The following ANO1 variants were observed in gnomAD, a reference collection of about 807,000 sequenced individuals.
ANO1 encodes anoctamin-1.
A neutral mutation model predicts 124.0 loss-of-function variants in ANO1; 59 were observed. The ratio of observed to expected loss-of-function variants is 0.48; its 90% CI spans 0.39 to 0.59. The LOEUF is 0.59. Among genes scored for constraint, ANO1 ranks in the 20% least tolerant of loss-of-function variants. The pLI, the probability that ANO1 is intolerant of heterozygous loss-of-function variation, is 0.00. For synonymous variants in ANO1, 529 were observed against 532.0 expected (o/e 0.99, Z 0.08); for missense variants, 1,059 against 1,328.0 (o/e 0.80, Z 3.15).
At chr11:70,024,754 C>T (rs1250683690) in intron 1 of ANO1, among the ~76,000 whole-genome samples, 1 of 152,234 alleles carries the variant, frequency 6.6e-6, no homozygotes, top group Non-Finnish European at 1.5e-5. Flanking sequence ...AGGCACAAAG[C>T]CCCGCTGACA....
chr11:70,016,170 G>A (rs1591036124), intron 1 of ANO1, among the ~76,000 whole-genome samples: 1 of 152,118 alleles, frequency 6.6e-6, no homozygotes. Context: ...TGGGACTACA[G>A]GTGCACGCCA....
In ANO1 at chr11:70,026,215, G is replaced by A. The variant is rs551282488; in HGVS notation, c.58+40049G>A. 1.4e-4 allele frequency among the ~76,000 whole-genome samples: 21 copies of A among 151,390 alleles called. No individual in the cohort carries two copies. The East Asian group carries it at 4.1e-3, about 30-fold the overall frequency. The stretch of plus-strand genomic sequence containing the variant: ...TGATGGTGGTGGTGATGGTGCTGAT[G>A]GTGATGATGACAGTAATGATGGTGG... On this transcript the variant is annotated intron_variant, in intron 1 of 27. Transcript: ENST00000531349.
intron 22 of ANO1, among the ~76,000 whole-genome samples, chr11:70,175,594 G>A (rs763402604): frequency 3.3e-5 from 5 of 152,206 alleles, no homozygotes; most frequent in Non-Finnish European, 5.9e-5. Context: ...CCCTGGTTTC[G>A]ACTTCCTGTT....
intron 11 of ANO1, among the ~76,000 whole-genome samples, chr11:70,138,933 A>G (rs375859220): frequency 2.7e-5 from 4 of 149,844 alleles, no homozygotes; most frequent in Non-Finnish European, 5.9e-5. Context: ...CCCTCCTCCC[A>G]CCCTCCACCC....
intron 1 of ANO1, among the ~76,000 whole-genome samples, chr11:70,047,043 G>A (rs1162847509): frequency 7.1e-6 from 1 of 141,190 alleles, no homozygotes; most frequent in Non-Finnish European, 1.5e-5. Context: ...TCACGCCATT[G>A]TATTCCAGCC....
chr11:70,112,761 G>GT (rs2045837317), intron 7 of ANO1, among the ~76,000 whole-genome samples: 2 of 152,156 alleles, frequency 1.3e-5, no homozygotes, highest in South Asian at 4.1e-4. Flanking sequence ...GTTTCACCAT[G>GT]TTGGCCAGGC....
chr11:70,154,010 C>A (rs565040793), intron 14 of ANO1, among the ~76,000 whole-genome samples: 1 of 152,134 alleles, frequency 6.6e-6, no homozygotes, highest in South Asian at 2.1e-4. Flanking sequence ...AAGAAATCCA[C>A]CCGCCTTGGC....
At chr11:70,100,204 G>C (rs1194237652) in intron 2 of ANO1, among the ~76,000 whole-genome samples, 1 of 152,186 alleles carries the variant, frequency 6.6e-6, no homozygotes, top group Non-Finnish European at 1.5e-5. Flanking sequence ...ACAAAGCCCT[G>C]CAGGACCGCA....
At chr11:70,043,699 C>T (rs1444112622) in intron 1 of ANO1, among the ~76,000 whole-genome samples, 1 of 152,000 alleles carries the variant, frequency 6.6e-6, no homozygotes, top group Non-Finnish European at 1.5e-5. Flanking sequence ...AGAACGCCAA[C>T]CTAGAATTCT....
chr11:70,088,000 C>A lies in ANO1; in HGVS notation c.357C>A (p.Tyr119Ter), dbSNP rs1466847046. Reference protein sequence around the residue: ...DAGSGEPPMDYHEDDKRFRRE... With the variant: ...DAGSGEPPMD ...GCTCGGGGGAGCCCCCGATGGACTA[C>A]CACGAGGATGACAAGCGCTTCCGCA... The change falls in exon 2 of 26, where the codon TAC becomes TAA. Residue 119 changes from tyrosine to a stop codon, truncating the protein, a stop_gained. Coordinates refer to ENST00000355303, the MANE Select transcript of ANO1 (RefSeq NM_018043.7). LOFTEE classifies it high-confidence loss of function. 6.4e-6 allele frequency: 10 copies of A among 1,553,698 alleles called. No individual in the cohort carries two copies. Among genetic ancestry groups the A allele is most frequent in the African/African-American group, 1.4e-5 (1 of 73,192 alleles).
intron 1 of ANO1, among the ~76,000 whole-genome samples, chr11:70,055,758 G>A (rs533419507): frequency 4.6e-5 from 7 of 151,840 alleles, no homozygotes; most frequent in Non-Finnish European, 8.8e-5. Context: ...TTTCACCTCC[G>A]ACTTTTCGGT....
At chr11:70,177,114 C>T (rs979051824) in intron 22 of ANO1, among the ~76,000 whole-genome samples, 3 of 152,344 alleles carry the variant, frequency 2.0e-5, no homozygotes, top group East Asian at 3.9e-4. Flanking sequence ...CTCTCTGGGC[C>T]GGTTGGGCGA....
At chr11:70,151,583 C>T (rs567390099) in intron 12 of ANO1, among the ~76,000 whole-genome samples, 1 of 152,204 alleles carries the variant, frequency 6.6e-6, no homozygotes, top group Non-Finnish European at 1.5e-5. Context: ...CCTTGGGATC[C>T]CATTCCCTGA....
chr11:70,070,079 A>G (rs1467938187), intron 1 of ANO1, among the ~76,000 whole-genome samples: 1 of 152,234 alleles, frequency 6.6e-6, no homozygotes. Context: ...TGTCTGTCAC[A>G]GAGGCCACTC....
chr11:70,187,143 G>A (rs896136021), intron 25 of ANO1, among the ~76,000 whole-genome samples: 6 of 152,242 alleles, frequency 3.9e-5, no homozygotes, highest in Non-Finnish European at 2.9e-5. Context: ...GGGACTGGGA[G>A]CACCAACCAG....
At chr11:69,985,688 C>A (rs1213385449), upstream of ANO1, among the ~76,000 whole-genome samples, 3 of 152,194 alleles carry the variant, frequency 2.0e-5, no homozygotes, top group African/African-American at 7.2e-5. Context: ...ATAAGACGGT[C>A]TGGGAGCGGT....
chr11:70,089,229 G>A (rs191598220), intron 2 of ANO1, among the ~76,000 whole-genome samples: 4 of 152,312 alleles, frequency 2.6e-5, no homozygotes, highest in Admixed American at 6.5e-5. Flanking sequence ...AAAAGTTGTC[G>A]GCAGGTTAAC....
chr11:70,033,145 G>A (rs922838673), intron 1 of ANO1, among the ~76,000 whole-genome samples: 2 of 152,214 alleles, frequency 1.3e-5, no homozygotes, highest in East Asian at 1.9e-4. Flanking sequence ...GTCAGGCTCC[G>A]GGTTTGGGGC....
At position 70,026,324 on chromosome 11, in the gene ANO1, ATGGTGG is replaced by A. The variant is rs797043741; in HGVS notation, c.58+40179_58+40184del. Among the ~76,000 whole-genome samples the A allele has an allele frequency of 9.6e-3, 1,405 of 145,612 alleles. 24 individuals are homozygous for A. The highest frequency in any genetic ancestry group is 0.034 in the African/African-American group (1,338 of 39,076). Reference sequence around the variant, plus strand: ...GGTAGTGGTAATGATGGCATTGATGATGGTGGTGGTGGTGGTGGTGGTGGTGACGGT... The same window carrying A: ...GGTAGTGGTAATGATGGCATTGATGATGGTGGTGGTGGTGGTGGTGACGGT... On this transcript the variant is annotated intron_variant, in intron 1 of 27. Coordinates refer to the ANO1 transcript ENST00000531349.
Sources: allele counts gnomAD v4.1 joint callset (sites outside exome capture counted in the v4.1 genomes callset), GRCh38; gene constraint gnomAD v4.1.1; transcripts MANE v1.5; gene names NCBI Gene and HGNC (gene_info 2026-07-23, HGNC 2026-07-21).